The following CAST variants were observed in gnomAD, a reference collection of about 807,000 sequenced individuals.
CAST encodes MIR583 host.
In CAST, 76 loss-of-function variants were observed where a neutral mutation model predicts 119.6. The ratio of observed to expected loss-of-function variants is 0.64; its 90% CI spans 0.53 to 0.77. The LOEUF is 0.77. Among genes scored for constraint, CAST ranks in the 30% least tolerant of loss-of-function variants. The pLI is 0.00. For missense variants in CAST, 953 were observed against 946.5 expected (o/e 1.01, Z -0.09); for synonymous variants, 319 against 331.6 (o/e 0.96, Z 0.41).
At chr5:96,513,589 A>G in the CAST span, among the ~76,000 whole-genome samples, 1 of 152,228 alleles carries the variant, frequency 6.6e-6, no homozygotes, top group East Asian at 1.9e-4. Context: ...AATTCCTATA[A>G]GAGCCACAGA....
chr5:96,109,296 A>G, the CAST span, among the ~76,000 whole-genome samples: 2 of 152,274 alleles, frequency 1.3e-5, no homozygotes, highest in African/African-American at 4.8e-5. Context: ...ATGCTTGGCA[A>G]AAACACAGAT....
chr5:96,765,361 A>G (rs199582120), intron 26 of CAST, 36 bp downstream of exon 26: 1 of 836,344 alleles, frequency 1.2e-6, no homozygotes, highest in Non-Finnish European at 1.8e-6. Context: ...AAATTCACTA[A>G]TAGTGAAATT....
rs73775338 is a variant in CAST at position 96,564,007 on chromosome 5, A to T, written c.60+34127A>T. Among the ~76,000 whole-genome samples the T allele has an allele frequency of 4.2e-3, 640 of 152,362 alleles. 3 individuals are homozygous for T. Among genetic ancestry groups the T allele is most frequent in the African/African-American group, 0.014 (602 of 41,572 alleles). On this transcript the variant is annotated intron_variant, in intron 1 of 11. Transcript: ENST00000505143. ...TGCACTGACACAGGCTCTGTAGGAAAGGACATTCCCAGGCCATTATAAATA... is the reference window on the plus strand; with the variant it reads ...TGCACTGACACAGGCTCTGTAGGAATGGACATTCCCAGGCCATTATAAATA...
At chr5:96,146,021 C>T in the CAST span, among the ~76,000 whole-genome samples, 5 of 152,316 alleles carry the variant, frequency 3.3e-5, no homozygotes, top group African/African-American at 1.2e-4. Flanking sequence ...AAAGTCTAGG[C>T]TTACTGGCAC....
At chr5:96,038,850 G>C in the CAST span, among the ~76,000 whole-genome samples, 1 of 152,004 alleles carries the variant, frequency 6.6e-6, no homozygotes, top group African/African-American at 2.4e-5. Context: ...ACATGTCTTT[G>C]TCATAGAATG....
rs534255175 is a variant in CAST, at chr5:96,625,274, C to G, written c.61-50265C>G. Among the ~76,000 whole-genome samples the G allele has an allele frequency of 2.6e-5, 4 of 152,248 alleles. No homozygotes were observed. In the East Asian group the frequency reaches 7.7e-4, roughly 29 times the overall value. ...GTTAAATTTTATTCTCTCTCTTTCT[C>G]TCTCCCTCTCTCTGTCTCTCTCTCT... is the stretch of plus-strand genomic sequence containing the variant. On this transcript the variant is annotated intron_variant, in intron 1 of 11. Transcript: ENST00000505143.
At position 96,584,323 on chromosome 5, in the gene CAST, C is replaced by T. The variant is rs1259041482; in HGVS notation, c.60+54443C>T. Among the ~76,000 whole-genome samples, 7 of 152,202 alleles carry T rather than the reference C, an allele frequency of 4.6e-5. No individual in the cohort carries two copies. In the East Asian group the frequency reaches 9.6e-4, roughly 21 times the overall value. On this transcript the variant is annotated intron_variant, in intron 1 of 11. Transcript: ENST00000505143. ...CAGGCAGTAATGCTGCCTCACCACTCACCTCCTGCTGCATGGCCCAGGTCC... is the reference window on the plus strand; with the variant it reads ...CAGGCAGTAATGCTGCCTCACCACTTACCTCCTGCTGCATGGCCCAGGTCC...
At chr5:96,088,147 G>A in the CAST span, among the ~76,000 whole-genome samples, 1 of 152,180 alleles carries the variant, frequency 6.6e-6, no homozygotes, top group Non-Finnish European at 1.5e-5. Flanking sequence ...TTGACAGGTG[G>A]TGTTAGTAAT....
the CAST span, among the ~76,000 whole-genome samples, chr5:96,298,063 T>C: frequency 3.9e-5 from 6 of 152,218 alleles, no homozygotes; most frequent in African/African-American, 1.4e-4. Context: ...ATTTGCTTAA[T>C]GCTAAATAGA....
At chr5:96,665,810 A>C (rs1482399085) in intron 1 of CAST, among the ~76,000 whole-genome samples, 3 of 152,122 alleles carry the variant, frequency 2.0e-5, no homozygotes, top group Non-Finnish European at 4.4e-5. Flanking sequence ...ATATATGTGC[A>C]TATTTATATA....
At chr5:96,090,861 A>G in the CAST span, among the ~76,000 whole-genome samples, 4 of 151,596 alleles carry the variant, frequency 2.6e-5, no homozygotes, top group African/African-American at 7.3e-5. Context: ...ACATACATCA[A>G]CTTCAGATGC....
At chr5:96,158,750 A>G in the CAST span, among the ~76,000 whole-genome samples, 2 of 152,256 alleles carry the variant, frequency 1.3e-5, no homozygotes. Context: ...TGCTGTGGCT[A>G]AACACAAGGG....
chr5:96,221,921 G>A, the CAST span, among the ~76,000 whole-genome samples: 13 of 152,106 alleles, frequency 8.5e-5, no homozygotes, highest in South Asian at 1.5e-3. Flanking sequence ...CACAGTCGAC[G>A]AGGAACAGAA....
At chr5:96,450,955 A>G in the CAST span, among the ~76,000 whole-genome samples, 7 of 152,196 alleles carry the variant, frequency 4.6e-5, no homozygotes, top group East Asian at 1.2e-3. Context: ...ACTAAACTGA[A>G]TAAGAGTTCA....
At chr5:96,068,697 A>G in the CAST span, among the ~76,000 whole-genome samples, 3 of 151,654 alleles carry the variant, frequency 2.0e-5, no homozygotes. Context: ...TTAAACATAT[A>G]TGTATATTAA....
chr5:96,227,368 T>A, the CAST span, among the ~76,000 whole-genome samples: 1 of 152,228 alleles, frequency 6.6e-6, no homozygotes, highest in Non-Finnish European at 1.5e-5. Context: ...CAGTTTAAAT[T>A]TAGTACAGCA....
At chr5:96,175,172 C>T in the CAST span, among the ~76,000 whole-genome samples, 1 of 152,068 alleles carries the variant, frequency 6.6e-6, no homozygotes, top group Non-Finnish European at 1.5e-5. Context: ...TAAAATAGTA[C>T]ATGCAATTAA....
At chr5:96,629,993 C>A (rs1435487020) in intron 1 of CAST, among the ~76,000 whole-genome samples, 2 of 152,174 alleles carry the variant, frequency 1.3e-5, no homozygotes, top group Admixed American at 6.5e-5. Context: ...AAGGCAATTC[C>A]AGGCCACTTC....
Position 96,662,419 on chromosome 5 carries a change from C to A in CAST, c.-4C>A, listed in dbSNP as rs921006340. 10 of 1,444,682 alleles carry A rather than the reference C, an allele frequency of 6.9e-6. No individual in the cohort carries two copies. Among genetic ancestry groups the A allele is most frequent in the African/African-American group, 4.5e-5 (3 of 66,882 alleles). The allele number at this position is 1,444,682 out of a possible 1,614,324, so 89.5% of individuals were successfully genotyped here. A position where few individuals can be genotyped will look rare whatever the true frequency, so the allele number is the denominator to read the frequency against. On this transcript the variant is annotated 5_prime_UTR_variant, in exon 1 of 32. Transcript: ENST00000675179. ...CGGGAGGCAGCGGCCGCAGCGGCCT[C>A]GCCATGTCCCAGCCCGGCCAGAAGC... is the stretch of plus-strand genomic sequence containing the variant.
Sources: allele counts gnomAD v4.1 joint callset (sites outside exome capture counted in the v4.1 genomes callset), GRCh38; gene constraint gnomAD v4.1.1; transcripts MANE v1.5; gene names NCBI Gene and HGNC (gene_info 2026-07-23, HGNC 2026-07-21).